Variants in MBD5 observed in about 807,000 individuals in gnomAD.
MBD5 encodes the protein methyl-CpG binding domain protein 5, also known as methyl-CpG-binding domain protein 5.
A neutral mutation model predicts 117.3 loss-of-function variants in MBD5; 13 were observed. The ratio of observed to expected loss-of-function variants is 0.11; its 90% CI spans 0.07 to 0.18. The LOEUF is 0.18. Ranked by LOEUF, MBD5 falls within the 10% of genes least tolerant of loss-of-function variation. The probability of loss-of-function intolerance (pLI) is 1.00; values close to 1 mark genes in which losing one functional copy is unlikely to be tolerated. For synonymous variants in MBD5, 727 were observed against 766.4 expected, an observed-to-expected ratio of 0.95 and a Z score of 0.85; for missense variants, 1,879 against 2,093.8, an observed-to-expected ratio of 0.90 and a Z score of 2.00.
intron 3 of MBD5, among the ~76,000 whole-genome samples, chr2:148,261,053 C>T (rs1700719917): frequency 6.6e-6 from 1 of 152,128 alleles, no homozygotes; most frequent in Non-Finnish European, 1.5e-5. Flanking sequence ...TTAAAATAGT[C>T]AGCAAATCAT....
chr2:148,043,452 C>CAAATAAAT (rs137863555), intron 1 of MBD5, among the ~76,000 whole-genome samples: 3,549 of 142,880 alleles, frequency 0.025, 61 homozygotes, highest in Middle Eastern at 0.035. Flanking sequence ...GACTCCTTCT[C>CAAATAAAT]AAATAAATAA....
chr2:148,485,693 A>G, intron 9 of MBD5, 49 bp from the exon 10 acceptor site: 1 of 1,407,378 alleles, frequency 7.1e-7, no homozygotes, highest in Non-Finnish European at 9.8e-7. Flanking sequence ...GAGGCATCGA[A>G]TCTCCGAAGA....
chr2:148,093,618 T>C (rs748961665), intron 1 of MBD5, among the ~76,000 whole-genome samples: 6 of 152,214 alleles, frequency 3.9e-5, no homozygotes, highest in Non-Finnish European at 8.8e-5. Context: ...GTACTTTAAA[T>C]GCAGCAACAT....
intron 4 of MBD5, among the ~76,000 whole-genome samples, chr2:148,381,580 A>G (rs983989327): frequency 1.3e-5 from 2 of 152,344 alleles, no homozygotes; most frequent in Admixed American, 6.5e-5. Context: ...AAGGCAGGCC[A>G]ACATTCAAAT....
rs190280034 is a variant in MBD5, at chr2:148,516,551, C to A, written c.*3610C>A. On this transcript the variant is annotated 3_prime_UTR_variant, in exon 14 of 14. Coordinates refer to ENST00000642680, the MANE Select transcript of MBD5 (RefSeq NM_001378120.1). ...TCTTTTTCTTTCATTCACTCTATCA[C>A]ATTTGCATTAGCCAAAGAGATAAGA... 1 of 152,176 alleles carries A rather than the reference C, an allele frequency of 6.6e-6. No homozygotes were observed. The highest frequency in any genetic ancestry group is 1.5e-5 in the Non-Finnish European group (1 of 68,028). 9.4% of individuals were successfully genotyped at this position (152,176 alleles called of 1,614,324 possible).
intron 8 of MBD5, chr2:148,471,535 T>C (rs994267347): frequency 2.6e-5 from 4 of 152,154 alleles, no homozygotes; most frequent in Non-Finnish European, 4.4e-5. Context: ...AGCTAGTGTG[T>C]AGGTATAATA....
intron 2 of MBD5, among the ~76,000 whole-genome samples, chr2:148,221,601 T>A (rs1558978392): frequency 6.6e-6 from 1 of 152,134 alleles, no homozygotes; most frequent in Non-Finnish European, 1.5e-5. Context: ...GCCCATTTTT[T>A]AATCAGATTA....
chr2:148,071,580 A>G (rs1328707087), intron 1 of MBD5: 1 of 152,210 alleles, frequency 6.6e-6, no homozygotes, highest in Non-Finnish European at 1.5e-5. Context: ...TCAGTGCTTT[A>G]TGATATTGTA....
At chr2:148,421,300 C>T (rs1393227538) in intron 4 of MBD5, among the ~76,000 whole-genome samples, 2 of 152,160 alleles carry the variant, frequency 1.3e-5, no homozygotes, top group Non-Finnish European at 2.9e-5. Flanking sequence ...TGGGGCATCG[C>T]CTCACCTGGG....
chr2:148,426,873 A>C (rs538855708), intron 4 of MBD5, among the ~76,000 whole-genome samples: 19 of 152,304 alleles, frequency 1.2e-4, no homozygotes, highest in African/African-American at 4.6e-4. Flanking sequence ...CAACCTACAG[A>C]ATGGGAGAAA....
chr2:148,080,847 G>A (rs1695630500), intron 1 of MBD5, among the ~76,000 whole-genome samples: 1 of 152,158 alleles, frequency 6.6e-6, no homozygotes, highest in Admixed American at 6.5e-5. Flanking sequence ...AATTCTGAGT[G>A]ATTGTATTAA....
At chr2:148,248,312 T>C (rs11692246) in intron 3 of MBD5, among the ~76,000 whole-genome samples, 45,930 of 152,056 alleles carry the variant, frequency 0.3, 7,396 homozygotes, top group South Asian at 0.43. Flanking sequence ...CTTTGATCAT[T>C]TGAATATCAA....
intron 11 of MBD5, among the ~76,000 whole-genome samples, chr2:148,493,070 G>A (rs1681579421): frequency 6.6e-6 from 1 of 152,160 alleles, no homozygotes; most frequent in African/African-American, 2.4e-5. Context: ...CTATGGCAAT[G>A]CCTGACATTT....
At chr2:148,375,385 G>T (rs1157464751) in intron 4 of MBD5, among the ~76,000 whole-genome samples, 5 of 152,136 alleles carry the variant, frequency 3.3e-5, no homozygotes, top group Admixed American at 3.3e-4. Flanking sequence ...CAGTAATGTT[G>T]TGCGAGCACA....
At chr2:148,505,757 G>A (rs898612401) in intron 12 of MBD5, among the ~76,000 whole-genome samples, 1 of 152,180 alleles carries the variant, frequency 6.6e-6, no homozygotes, top group Admixed American at 6.5e-5. Flanking sequence ...GACTACTTTT[G>A]TAGACTGAGG....
chr2:148,377,906 A>C (rs1704036540), intron 4 of MBD5, among the ~76,000 whole-genome samples: 1 of 152,202 alleles, frequency 6.6e-6, no homozygotes, highest in Non-Finnish European at 1.5e-5. Context: ...TAGTTGGGTG[A>C]GTACATATTT....
chr2:148,391,482 T>C (rs578004317), intron 4 of MBD5, among the ~76,000 whole-genome samples: 7 of 152,308 alleles, frequency 4.6e-5, no homozygotes, highest in African/African-American at 1.4e-4. Context: ...ATGTAATTTA[T>C]ATTACTTAAA....
At chr2:148,508,380 A>G (rs1274944021) in intron 12 of MBD5, among the ~76,000 whole-genome samples, 2 of 152,226 alleles carry the variant, frequency 1.3e-5, no homozygotes, top group African/African-American at 4.8e-5. Context: ...AGAAGTATGT[A>G]TATCATGACA....
At chr2:148,380,886 G>A (rs1574356822) in intron 4 of MBD5, among the ~76,000 whole-genome samples, 1 of 152,120 alleles carries the variant, frequency 6.6e-6, no homozygotes, top group Admixed American at 6.5e-5. Flanking sequence ...CCAGTAAACT[G>A]CAACAGACCT....
Sources: allele counts gnomAD v4.1 joint callset (sites outside exome capture counted in the v4.1 genomes callset), GRCh38; gene constraint gnomAD v4.1.1; transcripts MANE v1.5; gene names NCBI Gene and HGNC (gene_info 2026-07-23, HGNC 2026-07-21).